The following GPHN variants were observed in gnomAD, a reference collection of about 807,000 sequenced individuals.
GPHN encodes the protein gephyrin.
In GPHN, 17 loss-of-function variants were observed where a neutral mutation model predicts 95.5. That is an observed-to-expected ratio of 0.18 (90% CI 0.12 to 0.27). GPHN has a LOEUF of 0.27. Among genes scored for constraint, GPHN ranks in the 10% least tolerant of loss-of-function variants. The pLI is 1.00. For missense variants in GPHN, 660 were observed against 978.1 expected (o/e 0.67, Z 4.34); for synonymous variants, 320 against 322.5 (o/e 0.99, Z 0.08).
intron 2 of GPHN, among the ~76,000 whole-genome samples, chr14:66,757,402 T>C (rs576681432): frequency 6.6e-6 from 1 of 152,168 alleles, no homozygotes; most frequent in Non-Finnish European, 1.5e-5. Flanking sequence ...CATTTATTGA[T>C]TGATTGAGAC....
At chr14:66,759,612 G>T (rs1454552542) in intron 2 of GPHN, among the ~76,000 whole-genome samples, 3 of 152,178 alleles carry the variant, frequency 2.0e-5, no homozygotes, top group Non-Finnish European at 2.9e-5. Context: ...CTTTAAGCCT[G>T]TTGGTGTAAC....
intron 9 of GPHN, among the ~76,000 whole-genome samples, chr14:66,977,430 C>CA (rs1055532332): frequency 4.5e-4 from 62 of 137,714 alleles, no homozygotes; most frequent in East Asian, 8.3e-4. Flanking sequence ...GACCCCATCT[C>CA]AAAAAAAAAA....
intron 8 of GPHN, among the ~76,000 whole-genome samples, chr14:66,962,898 G>GGT (rs1159379926): frequency 6.6e-6 from 1 of 151,678 alleles, no homozygotes; most frequent in East Asian, 1.9e-4. Context: ...AATGAAAAGA[G>GGT]GTGCTGTTTG....
chr14:67,387,136 G>T, the GPHN span: 1 of 495,376 alleles, frequency 2.0e-6, no homozygotes, highest in Non-Finnish European at 3.5e-6. Context: ...GCCTTTCCAG[G>T]TTTGTAACAT....
the GPHN span, among the ~76,000 whole-genome samples, chr14:67,708,930 C>T: frequency 0.13 from 20,278 of 151,646 alleles, 1,392 homozygotes; most frequent in East Asian, 0.21. Flanking sequence ...GTAGCTGGGA[C>T]TACAGGCATG....
intron 1 of GPHN, among the ~76,000 whole-genome samples, chr14:66,513,017 A>G (rs1412547631): frequency 6.6e-6 from 1 of 151,732 alleles, no homozygotes; most frequent in Admixed American, 6.6e-5. Context: ...ATATTGATCT[A>G]TATGACTTGA....
Position 66,583,947 on chromosome 14 carries a change from A to G in GPHN, c.64+75356A>G, listed in dbSNP as rs552241318. Among the ~76,000 whole-genome samples the G allele has an allele frequency of 2.0e-5, 3 of 152,118 alleles. No homozygotes were observed. In the South Asian group the frequency reaches 6.2e-4, roughly 32 times the overall value. Reference sequence around the variant, plus strand: ...GAAAGTCATTGGTAGCTTGATGGGGATGGCATTGAATCTATAAATTACCTT... The same window carrying G: ...GAAAGTCATTGGTAGCTTGATGGGGGTGGCATTGAATCTATAAATTACCTT... On this transcript the variant is annotated intron_variant, in intron 1 of 22. Transcript: ENST00000478722.
At chr14:66,571,618 C>G (rs1009809733) in intron 1 of GPHN, among the ~76,000 whole-genome samples, 2 of 152,164 alleles carry the variant, frequency 1.3e-5, no homozygotes, top group East Asian at 3.9e-4. Flanking sequence ...TGAGACCAGC[C>G]TGGCCAACAT....
chr14:67,681,788 A>T, the GPHN span, among the ~76,000 whole-genome samples: 10 of 152,170 alleles, frequency 6.6e-5, no homozygotes, highest in Admixed American at 6.5e-4. Flanking sequence ...AAATAAAATA[A>T]AAATAGTTCA....
At chr14:67,402,656 C>A in the GPHN span, among the ~76,000 whole-genome samples, 2 of 152,124 alleles carry the variant, frequency 1.3e-5, no homozygotes, top group Non-Finnish European at 2.9e-5. Flanking sequence ...TTAGAGCTGG[C>A]GAATAAGTGA....
chr14:66,543,641 C>A (rs891090890), intron 1 of GPHN, among the ~76,000 whole-genome samples: 4 of 152,192 alleles, frequency 2.6e-5, no homozygotes, highest in Non-Finnish European at 5.9e-5. Context: ...CTTGCTCTTC[C>A]TAGAGTATTT....
At chr14:67,193,441 A>G in the GPHN span, among the ~76,000 whole-genome samples, 1 of 142,812 alleles carries the variant, frequency 7.0e-6, no homozygotes, top group Admixed American at 7.1e-5. Flanking sequence ...GTATATCTAG[A>G]TACAGATCTC....
chr14:66,572,248 G>A (rs756290721), intron 1 of GPHN, among the ~76,000 whole-genome samples: 13 of 152,100 alleles, frequency 8.5e-5, no homozygotes, highest in South Asian at 6.2e-4. Flanking sequence ...GTCTTTGGTC[G>A]TTCCATGTGA....
intron 8 of GPHN, among the ~76,000 whole-genome samples, chr14:66,940,464 G>A (rs944552792): frequency 2.6e-5 from 4 of 152,096 alleles, no homozygotes; most frequent in Admixed American, 2.6e-4. Context: ...ACTGCAACAG[G>A]GTGCCACCCA....
intron 19 of GPHN, among the ~76,000 whole-genome samples, chr14:67,164,422 T>A (rs548888039): frequency 3.7e-4 from 56 of 152,212 alleles, no homozygotes; most frequent in Non-Finnish European, 5.6e-4. Context: ...AGGAGCAGGA[T>A]TGAAAGAAAA....
the GPHN span, among the ~76,000 whole-genome samples, chr14:67,242,550 G>C: frequency 6.6e-6 from 1 of 152,108 alleles, no homozygotes; most frequent in African/African-American, 2.4e-5. Flanking sequence ...AACAAATGAC[G>C]TGTTGGTTAT....
chr14:67,058,513 G>A, intron 10 of GPHN, 136 bp from the exon 11 acceptor site: 1 of 759,080 alleles, frequency 1.3e-6, no homozygotes, highest in Non-Finnish European at 2.3e-6. Flanking sequence ...TATTTTGGAG[G>A]CAGGAGAAAC....
chr14:67,727,686 T>C, the GPHN span: 6 of 201,794 alleles, frequency 3.0e-5, no homozygotes, highest in African/African-American at 1.4e-4. Flanking sequence ...TTCACCATGT[T>C]GTCCAGGTTG....
the GPHN span, among the ~76,000 whole-genome samples, chr14:67,517,679 A>G: frequency 7.0e-3 from 1,070 of 152,232 alleles, 11 homozygotes; most frequent in African/African-American, 0.025. Flanking sequence ...CATTCCTTAC[A>G]TTAGGGATCA....
Sources: allele counts gnomAD v4.1 joint callset (sites outside exome capture counted in the v4.1 genomes callset), GRCh38; gene constraint gnomAD v4.1.1; transcripts MANE v1.5; gene names NCBI Gene and HGNC (gene_info 2026-07-23, HGNC 2026-07-21).